Variants in NKAIN2 observed in about 807,000 individuals in gnomAD.
The protein encoded by NKAIN2 is sodium/potassium-transporting ATPase subunit beta-1-interacting protein 2.
In NKAIN2, 14 loss-of-function variants were observed where a neutral mutation model predicts 32.6. The observed-to-expected ratio is 0.43, with a 90% CI of 0.28 to 0.67. NKAIN2 has a LOEUF of 0.67. Among genes scored for constraint, NKAIN2 ranks in the 30% least tolerant of loss-of-function variants. The pLI is 0.17. For missense variants in NKAIN2, 198 were observed against 258.3 expected, an observed-to-expected ratio of 0.77 and a Z score of 1.60; for synonymous variants, 80 against 87.2, an observed-to-expected ratio of 0.92 and a Z score of 0.46.
chr6:124,126,185 C>A (rs1001331396), intron 1 of NKAIN2, among the ~76,000 whole-genome samples: 1 of 151,908 alleles, frequency 6.6e-6, no homozygotes, highest in African/African-American at 2.4e-5. Context: ...ACCCACAATA[C>A]TGTCTGTCTA....
At chr6:124,534,368 C>T (rs906583908) in intron 3 of NKAIN2, among the ~76,000 whole-genome samples, 7 of 152,154 alleles carry the variant, frequency 4.6e-5, no homozygotes, top group African/African-American at 1.7e-4. Context: ...CCAGACTGGT[C>T]TTGAACTCCT....
At chr6:123,873,265 C>G (rs1397193393) in intron 1 of NKAIN2, among the ~76,000 whole-genome samples, 1 of 142,884 alleles carries the variant, frequency 7.0e-6, no homozygotes, top group Non-Finnish European at 1.5e-5. Flanking sequence ...ATGGGAAAAC[C>G]TGAGGAAAAA....
intron 2 of NKAIN2, among the ~76,000 whole-genome samples, chr6:124,311,539 T>C (rs1700478552): frequency 6.6e-6 from 1 of 152,134 alleles, no homozygotes; most frequent in Non-Finnish European, 1.5e-5. Context: ...ATAGGAAATT[T>C]CAAATAAGTC....
At position 124,192,789 on chromosome 6, in the gene NKAIN2, G is replaced by T. The variant is rs372953407; in HGVS notation, c.55-90216G>T. Among the ~76,000 whole-genome samples the T allele has an allele frequency of 1.2e-4, 14 of 119,032 alleles. 1 individual carries two copies. The highest frequency in any genetic ancestry group is 4.7e-4 in the African/African-American group (14 of 29,902). The allele number at this position is 119,032 out of a possible 152,430, so 78.1% of individuals were successfully genotyped here. A position where few individuals can be genotyped will look rare whatever the true frequency, so the allele number is the denominator to read the frequency against. Reference sequence around the variant, plus strand: ...TTTTGAGACAGAGTCTCGCTCTGTCGCCCAGGCTGGAGTGCAGTGGCACGA... The same window carrying T: ...TTTTGAGACAGAGTCTCGCTCTGTCTCCCAGGCTGGAGTGCAGTGGCACGA... On this transcript the variant is annotated intron_variant, in intron 1 of 6. Coordinates refer to ENST00000368417, the MANE Select transcript of NKAIN2 (RefSeq NM_001040214.3).
chr6:124,401,219 A>G (rs1773609893), intron 3 of NKAIN2, among the ~76,000 whole-genome samples: 1 of 152,162 alleles, frequency 6.6e-6, no homozygotes, highest in Admixed American at 6.6e-5. Flanking sequence ...ATATAATCTT[A>G]GAGTGAAATT....
intron 1 of NKAIN2, among the ~76,000 whole-genome samples, chr6:123,970,144 C>T (rs1225587798): frequency 6.6e-6 from 1 of 151,206 alleles, no homozygotes; most frequent in African/African-American, 2.4e-5. Context: ...TGTTTAAAAA[C>T]ATAAACTGGA....
chr6:124,464,798 G>A (rs371823982), intron 3 of NKAIN2, among the ~76,000 whole-genome samples: 7 of 152,032 alleles, frequency 4.6e-5, no homozygotes, highest in Non-Finnish European at 1.0e-4. Context: ...GTCAGGTCAC[G>A]TGATGCCTCC....
chr6:124,758,218 C>G (rs1351421553), intron 4 of NKAIN2, among the ~76,000 whole-genome samples: 1 of 152,122 alleles, frequency 6.6e-6, no homozygotes, highest in East Asian at 1.9e-4. Context: ...CCTTGACTTT[C>G]CTGTTACAAA....
intron 1 of NKAIN2, among the ~76,000 whole-genome samples, chr6:124,145,524 G>C (rs1262673785): frequency 6.6e-6 from 1 of 150,664 alleles, no homozygotes; most frequent in Non-Finnish European, 1.5e-5. Context: ...TTTTTGTTTT[G>C]AGACAGAGTC....
intron 3 of NKAIN2, among the ~76,000 whole-genome samples, chr6:124,585,321 G>C (rs552576059): frequency 6.6e-6 from 1 of 152,160 alleles, no homozygotes; most frequent in Admixed American, 6.6e-5. Flanking sequence ...AAAGGTAGCT[G>C]GGGGGAGAGG....
Position 123,888,343 on chromosome 6 carries a change from A to T in NKAIN2, c.54+84089A>T, listed in dbSNP as rs114748884. Among the ~76,000 whole-genome samples, 1,246 of 152,164 alleles carry T rather than the reference A, an allele frequency of 8.2e-3. 14 individuals are homozygous for T. Among genetic ancestry groups the T allele is most frequent in the African/African-American group, 0.028 (1,161 of 41,536 alleles). On this transcript the variant is annotated intron_variant, in intron 1 of 6. Coordinates refer to ENST00000368417, the MANE Select transcript of NKAIN2 (RefSeq NM_001040214.3). The stretch of plus-strand genomic sequence containing the variant: ...TTTCAAACACACCCTTCACTTTCCT[A>T]TTGCTTAGAATGCTTTTTACTTGGG...
chr6:124,549,782 G>T, intron 3 of NKAIN2, among the ~76,000 whole-genome samples: 1 of 152,160 alleles, frequency 6.6e-6, no homozygotes, highest in Admixed American at 6.5e-5. Flanking sequence ...TAGACAGAGG[G>T]TATATGTTAT....
intron 1 of NKAIN2, among the ~76,000 whole-genome samples, chr6:124,099,521 T>G (rs1430613378): frequency 1.3e-5 from 2 of 152,214 alleles, no homozygotes; most frequent in African/African-American, 4.8e-5. Flanking sequence ...TTGTTCCGCC[T>G]TTGCACTTTT....
chr6:123,973,602 C>T (rs1180030610), intron 1 of NKAIN2, among the ~76,000 whole-genome samples: 3 of 152,054 alleles, frequency 2.0e-5, no homozygotes, highest in African/African-American at 7.2e-5. Context: ...CTCGTAGTTT[C>T]CTGCTATTCA....
intron 4 of NKAIN2, among the ~76,000 whole-genome samples, chr6:124,746,139 C>T (rs1209727521): frequency 6.6e-6 from 1 of 151,850 alleles, no homozygotes; most frequent in African/African-American, 2.4e-5. Flanking sequence ...AGGTCTGTCT[C>T]AGAGCCATGT....
At chr6:124,428,331 A>T (rs1315459322) in intron 3 of NKAIN2, among the ~76,000 whole-genome samples, 1 of 152,152 alleles carries the variant, frequency 6.6e-6, no homozygotes, top group Non-Finnish European at 1.5e-5. Flanking sequence ...GATTGCTGGA[A>T]ATAACTAGGA....
At chr6:124,005,533 C>T (rs1013164868) in intron 1 of NKAIN2, among the ~76,000 whole-genome samples, 1 of 151,972 alleles carries the variant, frequency 6.6e-6, no homozygotes, top group Non-Finnish European at 1.5e-5. Context: ...AATAATAAAT[C>T]TGCATGTTCA....
intron 3 of NKAIN2, among the ~76,000 whole-genome samples, chr6:124,655,891 C>T (rs1308816390): frequency 6.6e-6 from 1 of 152,076 alleles, no homozygotes; most frequent in Non-Finnish European, 1.5e-5. Flanking sequence ...TTGGTCTTGA[C>T]TTCCTGTGAG....
intron 4 of NKAIN2, among the ~76,000 whole-genome samples, chr6:124,743,335 T>G (rs113572347): frequency 6.6e-6 from 1 of 151,926 alleles, no homozygotes; most frequent in Admixed American, 6.6e-5. Flanking sequence ...ATGAATTACT[T>G]AAGAATTTAG....
Sources: allele counts gnomAD v4.1 joint callset (sites outside exome capture counted in the v4.1 genomes callset), GRCh38; gene constraint gnomAD v4.1.1; transcripts MANE v1.5; gene names NCBI Gene and HGNC (gene_info 2026-07-23, HGNC 2026-07-21).